FLNB: variants seen among roughly 807,000 people sequenced by gnomAD.
FLNB encodes the protein filamin-B.
In FLNB, 111 loss-of-function variants were observed where a neutral mutation model predicts 250.6. That is an observed-to-expected ratio of 0.44 (90% CI 0.38 to 0.52). The LOEUF (loss-of-function observed/expected upper bound fraction) is 0.52. Ranked by LOEUF, FLNB falls within the 20% of genes least tolerant of loss-of-function variation. FLNB has a pLI of 0.00. For missense variants in FLNB, 2,869 were observed against 3,447.8 expected, an observed-to-expected ratio of 0.83 and a Z score of 4.20; for synonymous variants, 1,302 against 1,372.1, an observed-to-expected ratio of 0.95 and a Z score of 1.13.
At chr3:58,035,429 C>T (rs1274702646) in intron 1 of FLNB, among the ~76,000 whole-genome samples, 2 of 152,182 alleles carry the variant, frequency 1.3e-5, no homozygotes, top group Admixed American at 6.5e-5. Flanking sequence ...GAGCCTCAGT[C>T]TGTAGACTTG....
Position 58,142,870 on chromosome 3 carries a change from G to A in FLNB, c.5284+118G>A, listed in dbSNP as rs1463474267. On this transcript the variant is annotated intron_variant, in intron 31 of 45. Coordinates refer to ENST00000295956, the MANE Select transcript of FLNB (RefSeq NM_001457.4). This position sits in a 1 kb window ranked among gnomAD's most constrained non-coding sequence, Gnocchi z 4.3. ...CCCAGGCTCCTTAACCCAGGGTCAC[G>A]AGTTCTTGGTCTCCGGTGTTGGGCC... 1.1e-5 allele frequency: 9 copies of A among 844,432 alleles called. No homozygotes were observed. The highest frequency in any genetic ancestry group is 6.6e-5 in the African/African-American group (4 of 60,198). The allele number at this position is 844,432 out of a possible 1,614,324, so 52.3% of individuals were successfully genotyped here.
chr3:58,012,341 T>C (rs560849916), intron 1 of FLNB, among the ~76,000 whole-genome samples: 26 of 152,294 alleles, frequency 1.7e-4, no homozygotes, highest in African/African-American at 6.0e-4. Context: ...TTAGTATTAT[T>C]ATCTTTATTT....
Position 58,162,758 on chromosome 3 carries a change from G to C in FLNB, c.7022-396G>C, listed in dbSNP as rs1575476325. 4 of 289,208 alleles carry C rather than the reference G, an allele frequency of 1.4e-5. No individual in the cohort carries two copies. The South Asian group carries it at 1.4e-4, about 10-fold the overall frequency. The allele number at this position is 289,208 out of a possible 1,614,324, so 17.9% of individuals were successfully genotyped here. ...TGAGGTCTTCCAATTTCAGAGTGCT[G>C]TGTCTTCAACTTGTATCATCATTTT... On this transcript the variant is annotated intron_variant, in intron 42 of 45. Coordinates refer to ENST00000295956, the MANE Select transcript of FLNB (RefSeq NM_001457.4).
chr3:58,010,969 C>T (rs1262368207), intron 1 of FLNB, among the ~76,000 whole-genome samples: 1 of 152,154 alleles, frequency 6.6e-6, no homozygotes, highest in African/African-American at 2.4e-5. Context: ...GGCTGGAGTA[C>T]AATGGTGCCA....
At chr3:58,053,767 A>G (rs866939719) in intron 1 of FLNB, among the ~76,000 whole-genome samples, 1 of 152,042 alleles carries the variant, frequency 6.6e-6, no homozygotes, top group Non-Finnish European at 1.5e-5. Context: ...TGGCCCAAAC[A>G]TGTGGTTTTT....
Position 58,168,446 on chromosome 3 carries a change from A to G in FLNB, c.7205A>G (p.Gln2402Arg). Residue 2402 changes from glutamine (Q) to arginine (R), a missense_variant, in exon 44 of 46, where the codon CAG becomes CGG. Transcript: ENST00000295956. ...TTCTATTCCTTTCTCCCAGGTATCC[A>G]GTCGGAATTCTTTATTAACACCACC... ...TGLEGGTTGIQSEFFINTTRA... is the reference protein window; with the variant it reads ...TGLEGGTTGIRSEFFINTTRA... 6.2e-7 allele frequency: 1 copy of G among 1,613,010 alleles called. No homozygotes were observed.
At chr3:58,053,263 T>C (rs2106848904) in intron 1 of FLNB, among the ~76,000 whole-genome samples, 1 of 152,274 alleles carries the variant, frequency 6.6e-6, no homozygotes, top group African/African-American at 2.4e-5. Flanking sequence ...TTTAGAAAGT[T>C]AGAGCTTATG....
At chr3:58,119,322 G>A (rs2097284399) in intron 19 of FLNB, among the ~76,000 whole-genome samples, 1 of 152,174 alleles carries the variant, frequency 6.6e-6, no homozygotes, top group Non-Finnish European at 1.5e-5. Flanking sequence ...ATTGCAGTAG[G>A]AAGTTTTCAT....
intron 8 of FLNB, 49 bp downstream of exon 8, chr3:58,098,957 T>TG: frequency 6.5e-7 from 1 of 1,527,372 alleles, no homozygotes; most frequent in Non-Finnish European, 9.1e-7. Context: ...GGAAGCTGAC[T>TG]GCACAGCTGG....
At position 58,148,217 on chromosome 3, in the gene FLNB, C is replaced by A; in HGVS notation, c.5740C>A (p.Arg1914=). The A allele has an allele frequency of 6.2e-7, 1 of 1,614,168 alleles. No homozygotes were observed. The highest frequency in any genetic ancestry group is 8.5e-7 in the Non-Finnish European group (1 of 1,180,034). ...FTAKITDDSR[R]CSQVKLGSAA... is the part of the protein sequence containing the mutation. ...GGGATGTTTCCCAGATGACAGCAGG[C>A]GGTGCTCCCAGGTGAAGTTGGGCTC... The change falls in exon 35 of 46, where the codon CGG becomes AGG. Residue 1914 remains arginine, a synonymous_variant. Coordinates refer to ENST00000295956, the MANE Select transcript of FLNB (RefSeq NM_001457.4).
At chr3:58,060,434 A>G (rs1160254216) in intron 1 of FLNB, among the ~76,000 whole-genome samples, 7 of 150,672 alleles carry the variant, frequency 4.6e-5, no homozygotes, top group Middle Eastern at 3.4e-3. Context: ...GCTCACTGCA[A>G]CCTTCACCCC....
intron 38 of FLNB, among the ~76,000 whole-genome samples, chr3:58,152,318 A>G (rs1055645486): frequency 1.3e-5 from 2 of 152,196 alleles, no homozygotes; most frequent in African/African-American, 2.4e-5. Flanking sequence ...GGGCTGCTGT[A>G]GCAAAATCAC....
chr3:58,124,656 C>T (rs2097294675), intron 22 of FLNB, 151 bp downstream of exon 22: 2 of 849,542 alleles, frequency 2.4e-6, no homozygotes, highest in Non-Finnish European at 1.9e-6. Context: ...GCGTCCGCTG[C>T]AGTCACCTGC....
chr3:58,120,107 A>G (rs906944202), intron 19 of FLNB, among the ~76,000 whole-genome samples: 7 of 152,222 alleles, frequency 4.6e-5, no homozygotes, highest in Non-Finnish European at 8.8e-5. Context: ...TACCACTAGC[A>G]GTGCCATTAG....
intron 5 of FLNB, 109 bp downstream of exon 5, chr3:58,095,063 G>T (rs2097235806): frequency 4.3e-6 from 4 of 921,728 alleles, no homozygotes; most frequent in Non-Finnish European, 7.3e-6. Context: ...ACAACCAAAA[G>T]TGTTTTTTAC....
chr3:58,118,844 G>T, intron 18 of FLNB, 28 bp from the exon 19 acceptor site: 1 of 1,575,266 alleles, frequency 6.3e-7, no homozygotes, highest in Non-Finnish European at 8.7e-7. Flanking sequence ...GTACCCAAAG[G>T]TAAACTGAGT....
intron 32 of FLNB, among the ~76,000 whole-genome samples, 192 bp downstream of exon 32, chr3:58,143,805 G>T (rs1185392132): frequency 6.6e-6 from 1 of 152,232 alleles, no homozygotes; most frequent in African/African-American, 2.4e-5. Flanking sequence ...GGATGATGTA[G>T]CTCAGTGTCT....
At chr3:58,131,849 A>C in intron 25 of FLNB, 1 of 1,011,460 alleles carries the variant, frequency 9.9e-7, no homozygotes. Context: ...GAGAGGGAGA[A>C]AAAGAAGAAA....
intron 1 of FLNB, among the ~76,000 whole-genome samples, chr3:58,049,869 G>T (rs962696941): frequency 6.6e-6 from 1 of 152,144 alleles, no homozygotes; most frequent in South Asian, 2.1e-4. Context: ...GTGAGAAAAC[G>T]TGTAATCTGT....
Sources: allele counts gnomAD v4.1 joint callset (sites outside exome capture counted in the v4.1 genomes callset), GRCh38; gene constraint gnomAD v4.1.1; non-coding constraint Gnocchi (gnomAD v3.1); transcripts MANE v1.5; gene names NCBI Gene and HGNC (gene_info 2026-07-23, HGNC 2026-07-21).